Variants in CAB39L observed in about 807,000 individuals in gnomAD.
CAB39L encodes calcium binding protein 39 like.
In CAB39L, 23 loss-of-function variants were observed where a neutral mutation model predicts 39.1. That is an observed-to-expected ratio of 0.59 (90% confidence interval 0.42 to 0.83). CAB39L has a LOEUF of 0.83. CAB39L is among the 40% of genes least tolerant of loss of function. The pLI is 0.00. For missense variants in CAB39L, 366 were observed against 391.9 expected, an observed-to-expected ratio of 0.93 and a Z score of 0.56; for synonymous variants, 126 against 137.2, an observed-to-expected ratio of 0.92 and a Z score of 0.57.
At chr13:49,382,309 C>T (rs1423532194) in intron 4 of CAB39L, among the ~76,000 whole-genome samples, 1 of 152,010 alleles carries the variant, frequency 6.6e-6, no homozygotes, top group Non-Finnish European at 1.5e-5. Flanking sequence ...ATACTATGAA[C>T]TCGTGTATTT....
chr13:49,315,124 T>C (rs145207374), intron 10 of CAB39L, among the ~76,000 whole-genome samples: 72 of 152,348 alleles, frequency 4.7e-4, no homozygotes, highest in African/African-American at 1.7e-3. Flanking sequence ...TGTTCATAAA[T>C]ATGATATATA....
chr13:49,364,870 C>T (rs998669799), intron 5 of CAB39L, among the ~76,000 whole-genome samples: 1 of 152,092 alleles, frequency 6.6e-6, no homozygotes, highest in African/African-American at 2.4e-5. Context: ...TTCATACTAC[C>T]CAACGTAATC....
At chr13:49,351,801 T>A (rs1230672897) in intron 6 of CAB39L, among the ~76,000 whole-genome samples, 2 of 152,158 alleles carry the variant, frequency 1.3e-5, no homozygotes, top group Non-Finnish European at 2.9e-5. Flanking sequence ...TTGCTGATGA[T>A]GTAGCTGGAG....
At chr13:49,420,226 C>A (rs1224802844) in intron 3 of CAB39L, 1 of 152,134 alleles carries the variant, frequency 6.6e-6, no homozygotes, top group Admixed American at 6.5e-5. Context: ...AGTAGGCTAA[C>A]ATATAGATTT....
intron 3 of CAB39L, among the ~76,000 whole-genome samples, chr13:49,412,292 TG>T (rs1242245044): frequency 6.6e-6 from 1 of 151,866 alleles, no homozygotes; most frequent in Non-Finnish European, 1.5e-5. Context: ...TAATTCTCCT[TG>T]GAAAAAAAGC....
intron 3 of CAB39L, among the ~76,000 whole-genome samples, chr13:49,430,770 G>A (rs1348792820): frequency 6.6e-6 from 1 of 152,196 alleles, no homozygotes; most frequent in Non-Finnish European, 1.5e-5. Context: ...GTATCGACAT[G>A]GCTGCCTAAG....
chr13:49,349,560 T>G (rs1431242900), intron 7 of CAB39L, among the ~76,000 whole-genome samples: 1 of 151,600 alleles, frequency 6.6e-6, no homozygotes, highest in Non-Finnish European at 1.5e-5. Context: ...GTCTATAGTA[T>G]TTTTTGAATT....
chr13:49,340,970 G>C (rs1954988773), intron 8 of CAB39L, among the ~76,000 whole-genome samples: 1 of 152,188 alleles, frequency 6.6e-6, no homozygotes, highest in Non-Finnish European at 1.5e-5. Context: ...AGGAGTCAAA[G>C]AGAATGAATT....
intron 5 of CAB39L, among the ~76,000 whole-genome samples, chr13:49,369,963 C>A (rs1269141671): frequency 3.3e-5 from 5 of 152,140 alleles, no homozygotes; most frequent in Non-Finnish European, 7.3e-5. Flanking sequence ...GTGAATGTTA[C>A]TATTTATAAA....
chr13:49,351,141 G>A, intron 6 of CAB39L: 1 of 350,350 alleles, frequency 2.9e-6, no homozygotes. Flanking sequence ...TATGAACATG[G>A]TGACAGCTGG....
At chr13:49,400,572 G>A (rs929790033) in intron 3 of CAB39L, among the ~76,000 whole-genome samples, 1 of 151,844 alleles carries the variant, frequency 6.6e-6, no homozygotes, top group African/African-American at 2.4e-5. Flanking sequence ...TCCTTACTTA[G>A]AAACCCAAAT....
chr13:49,357,100 T>G (rs1400322806), intron 6 of CAB39L, among the ~76,000 whole-genome samples: 1 of 151,378 alleles, frequency 6.6e-6, no homozygotes, highest in Non-Finnish European at 1.5e-5. Flanking sequence ...ATGGTACAAC[T>G]GTTCCACTAC....
chr13:49,349,555 T>C (rs1184656127), intron 7 of CAB39L, among the ~76,000 whole-genome samples: 2 of 151,520 alleles, frequency 1.3e-5, no homozygotes, highest in African/African-American at 4.8e-5. Context: ...TGTCAGTCTA[T>C]AGTATTTTTT....
At chr13:49,348,195 T>C (rs1405520246) in intron 7 of CAB39L, among the ~76,000 whole-genome samples, 1 of 152,100 alleles carries the variant, frequency 6.6e-6, no homozygotes, top group Non-Finnish European at 1.5e-5. Context: ...ATGATGGCAT[T>C]GCGGTTCCTT....
In CAB39L at chr13:49,412,575, G is replaced by C. The variant is rs539128758; in HGVS notation, c.-32+20743C>G. Among the ~76,000 whole-genome samples, 16 of 152,090 alleles carry C rather than the reference G, an allele frequency of 1.1e-4. No individual in the cohort carries two copies. In the South Asian group the frequency reaches 3.1e-3, roughly 30 times the overall value. ...ACATTATGGCCTTTGGATATGCATT[G>C]GATACCCAATGTGTTTGAGGGCTAA... On this transcript the variant is annotated intron_variant, in intron 3 of 10. Coordinates refer to ENST00000409308, the MANE Select transcript of CAB39L (RefSeq NM_001079670.3).
chr13:49,356,568 C>T (rs1337825318), intron 6 of CAB39L, among the ~76,000 whole-genome samples: 2 of 152,140 alleles, frequency 1.3e-5, no homozygotes, highest in Admixed American at 1.3e-4. Context: ...GTATCAATTG[C>T]TTTTTGTCTT....
rs117534424 is a variant in CAB39L at position 49,310,874 on chromosome 13, G to C, written c.954C>G (p.Phe318Leu). ...TAATCAAGTAGTTCTTCTCGTCAGCGAACTGCTCATCATCCGTCCTTTCTT... is the reference window on the plus strand; with the variant it reads ...TAATCAAGTAGTTCTTCTCGTCAGCCAACTGCTCATCATCCGTCCTTTCTT... ...FQKERTDDEQ[F>L]ADEKNYLIKQ... is the part of the protein sequence containing the mutation. Residue 318 changes from phenylalanine (F) to leucine (L), a missense_variant, in exon 11 of 11, where the codon TTC (phenylalanine) becomes TTG (leucine). Coordinates refer to ENST00000409308, the MANE Select transcript of CAB39L (RefSeq NM_001079670.3). 1 of 1,614,114 alleles carries C rather than the reference G, an allele frequency of 6.2e-7. No individual in the cohort carries two copies.
chr13:49,331,856 G>T, intron 10 of CAB39L, 91 bp downstream of exon 10: 2 of 1,178,978 alleles, frequency 1.7e-6, no homozygotes, highest in East Asian at 4.7e-5. Context: ...TTTCTTTCAA[G>T]TATGAAGGAG....
chr13:49,352,404 A>G (rs1955381761), intron 6 of CAB39L, among the ~76,000 whole-genome samples: 1 of 152,048 alleles, frequency 6.6e-6, no homozygotes, highest in Non-Finnish European at 1.5e-5. Context: ...AATAGAACAA[A>G]GAAAGATATA....
Sources: allele counts gnomAD v4.1 joint callset (sites outside exome capture counted in the v4.1 genomes callset), GRCh38; gene constraint gnomAD v4.1.1; transcripts MANE v1.5; gene names NCBI Gene and HGNC (gene_info 2026-07-23, HGNC 2026-07-21).